HES7: variants seen among roughly 807,000 people sequenced by gnomAD.
HES7 encodes the protein transcription factor HES-7.
A neutral mutation model predicts 18.0 loss-of-function variants in HES7; 8 were observed. The ratio of observed to expected loss-of-function variants is 0.45; its 90% confidence interval spans 0.26 to 0.80. The LOEUF (loss-of-function observed/expected upper bound fraction) is 0.80, where lower values mean the gene tolerates loss of function less well. Ranked by LOEUF, HES7 falls within the 30% of genes least tolerant of loss-of-function variation. HES7 has a pLI of 0.18. For synonymous variants in HES7, 170 were observed against 158.6 expected, an observed-to-expected ratio of 1.07 and a Z score of -0.54; for missense variants, 356 against 340.9, an observed-to-expected ratio of 1.04 and a Z score of -0.35.
chr17:8,121,495 G>T lies in HES7; in HGVS notation c.*76C>A. 1 of 1,222,490 alleles carries T rather than the reference G, an allele frequency of 8.2e-7. No individual in the cohort carries two copies. The highest frequency in any genetic ancestry group is 1.0e-6 in the Non-Finnish European group (1 of 971,114). 75.7% of individuals were successfully genotyped at this position (1,222,490 alleles called of 1,614,324 possible). On this transcript the variant is annotated 3_prime_UTR_variant, in exon 4 of 4. Transcript: ENST00000541682. ...CTCCCCAACACCTGCTCGCCCGGAC[G>T]CCCGGGTCCCTCTGCTGCCCTCGGG...
At position 8,120,861 on chromosome 17, in the gene HES7, C is replaced by G. The variant is rs1299570872; in HGVS notation, c.*710G>C. 6.5e-6 allele frequency: 1 copy of G among 152,694 alleles called. No individual in the cohort carries two copies. The highest frequency in any genetic ancestry group is 1.5e-5 in the Non-Finnish European group (1 of 68,066). 9.5% of individuals were successfully genotyped at this position (152,694 alleles called of 1,614,324 possible). On this transcript the variant is annotated 3_prime_UTR_variant, in exon 4 of 4. Coordinates refer to ENST00000541682, the MANE Select transcript of HES7 (RefSeq NM_001165967.2). ...CCCGCCCAAGTCCCTTAGCCCCGCT[C>G]CCCAACCCTGCCCCATTCCCACTCT... is the stretch of plus-strand genomic sequence containing the variant.
Position 8,121,527 on chromosome 17 carries a change from T to A in HES7, c.*44A>T, listed in dbSNP as rs1242236481. On this transcript the variant is annotated 3_prime_UTR_variant, in exon 4 of 4. Transcript: ENST00000541682. ...TCCCTCTGCTGCCCTCGGGCTGGAG[T>A]CTCTACCCCACCCCTAGACCCCGCC... 7.9e-7 allele frequency: 1 copy of A among 1,272,378 alleles called. No homozygotes were observed. Among genetic ancestry groups the A allele is most frequent in the Admixed American group, 4.2e-5 (1 of 23,856 alleles). 78.8% of individuals were successfully genotyped at this position (1,272,378 alleles called of 1,614,324 possible). A position where few individuals can be genotyped will look rare whatever the true frequency, so the allele number is the denominator to read the frequency against.
At position 8,122,302 on chromosome 17, in the gene HES7, TC is replaced by T; in HGVS notation, c.226+40del. The T allele has an allele frequency of 1.4e-6, 2 of 1,460,280 alleles. No homozygotes were observed. The highest frequency in any genetic ancestry group is 1.4e-5 in the African/African-American group (1 of 70,918). The allele number at this position is 1,460,280 out of a possible 1,614,324, so 90.5% of individuals were successfully genotyped here. On this transcript the variant is annotated intron_variant, in intron 3 of 3. Transcript: ENST00000541682. The surrounding 1 kb of genome is among the most constrained non-coding windows in gnomAD (Gnocchi z 6.9). Reference sequence around the variant, plus strand: ...CTGCCCCGGCCGGAGCCTCCTGGCGTCCCCCCTCCCTCCCTCCGCTGCCCCA... The same window carrying T: ...CTGCCCCGGCCGGAGCCTCCTGGCGTCCCCCTCCCTCCCTCCGCTGCCCCA...
chr17:8,125,812 A>G (rs1476451519), upstream of HES7, among the ~76,000 whole-genome samples: 1 of 152,214 alleles, frequency 6.6e-6, no homozygotes, highest in Non-Finnish European at 1.5e-5. Context: ...TTCCCGGCCA[A>G]TGCACGAGTA....
Position 8,123,090 on chromosome 17 carries a change from G to T in HES7, c.79C>A (p.Arg27Ser), listed in dbSNP as rs372627919. The change falls in exon 2 of 4, where the codon CGC (arginine) becomes AGC (serine). Residue 27 changes from arginine to serine, a missense_variant. Physicochemically the swap from Arg to Ser is moderately radical, Grantham distance 110. Transcript: ENST00000541682. The surrounding 1 kb of genome is among the most constrained non-coding windows in gnomAD (Gnocchi z 5.9). Reference sequence around the variant, plus strand: ...AGCTCTTCCAGGCTGCGGTTGATGCGGTCCCGGCGCCGCTTCTCCACAAGC... The same window carrying T: ...AGCTCTTCCAGGCTGCGGTTGATGCTGTCCCGGCGCCGCTTCTCCACAAGC... The part of the protein sequence containing the change: ...KPLVEKRRRD[R>S]INRSLEELRL... The T allele has an allele frequency of 1.9e-6, 3 of 1,607,604 alleles. No individual in the cohort carries two copies. The highest frequency in any genetic ancestry group is 2.5e-6 in the Non-Finnish European group (3 of 1,177,464).
Position 8,122,447 on chromosome 17 carries a change from A to G in HES7, c.139-17T>C, listed in dbSNP as rs1598231967. 3 of 1,497,888 alleles carry G rather than the reference A, an allele frequency of 2.0e-6. No individual in the cohort carries two copies. The highest frequency in any genetic ancestry group is 3.9e-5 in the Admixed American group (2 of 51,710). The allele number at this position is 1,497,888 out of a possible 1,614,324, so 92.8% of individuals were successfully genotyped here. A position where few individuals can be genotyped will look rare whatever the true frequency, so the allele number is the denominator to read the frequency against. The stretch of plus-strand genomic sequence containing the variant: ...CCGGAGGTTCTACAGACGGGAGGGG[A>G]GGGCGCAGAGACAGAAAGGGGTGGG... On this transcript the variant is annotated splice_polypyrimidine_tract_variant and intron_variant, in intron 2 of 3. Coordinates refer to ENST00000541682, the MANE Select transcript of HES7 (RefSeq NM_001165967.2). The surrounding 1 kb of genome is among the most constrained non-coding windows in gnomAD (Gnocchi z 6.9).
rs1210493169 is a variant in HES7 at position 8,122,320 on chromosome 17, G to A, written c.226+23C>T. 1.1e-6 allele frequency: 1 copy of A among 891,974 alleles called. No individual in the cohort carries two copies. Among genetic ancestry groups the A allele is most frequent in the South Asian group, 1.4e-5 (1 of 72,406 alleles). 55.3% of individuals were successfully genotyped at this position (891,974 alleles called of 1,614,324 possible). ...CCTGGCGTCCCCCCTCCCTCCCTCC[G>A]CTGCCCCACCCCCGCGCTGTACCCG... On this transcript the variant is annotated intron_variant, in intron 3 of 3. Coordinates refer to ENST00000541682, the MANE Select transcript of HES7 (RefSeq NM_001165967.2). The surrounding 1 kb of genome is among the most constrained non-coding windows in gnomAD (Gnocchi z 6.9).
chr17:8,121,186 G>A lies in HES7; in HGVS notation c.*385C>T, dbSNP rs944985152. The A allele has an allele frequency of 5.6e-6, 1 of 178,860 alleles. No individual in the cohort carries two copies. Among genetic ancestry groups the A allele is most frequent in the Non-Finnish European group, 1.2e-5 (1 of 85,934 alleles). 11.1% of individuals were successfully genotyped at this position (178,860 alleles called of 1,614,324 possible). On this transcript the variant is annotated 3_prime_UTR_variant, in exon 4 of 4. Transcript: ENST00000541682. ...GGCTTGGGCCATGGAGAGCAGGACT[G>A]AGGGTGGGAGACAGAAGGGAAGGGA... is the stretch of plus-strand genomic sequence containing the variant.
chr17:8,123,943 C>T lies in HES7; in HGVS notation c.42+100G>A. ...GGAGTTCTGGAGCACCGCTCCCCTTCCACCCCTGCGTCCCCAGCCTCTCTC... is the reference window on the plus strand; with the variant it reads ...GGAGTTCTGGAGCACCGCTCCCCTTTCACCCCTGCGTCCCCAGCCTCTCTC... On this transcript the variant is annotated intron_variant, in intron 1 of 3. Transcript: ENST00000541682. The surrounding 1 kb of genome is among the most constrained non-coding windows in gnomAD (Gnocchi z 5.9). 1 of 1,338,464 alleles carries T rather than the reference C, an allele frequency of 7.5e-7. No individual in the cohort carries two copies. Among genetic ancestry groups the T allele is most frequent in the Non-Finnish European group, 1.1e-6 (1 of 944,174 alleles). 82.9% of individuals were successfully genotyped at this position (1,338,464 alleles called of 1,614,324 possible). A position where few individuals can be genotyped will look rare whatever the true frequency, so the allele number is the denominator to read the frequency against.
chr17:8,123,207 G>A lies in HES7; in HGVS notation c.43-81C>T. ...GCCCCGGCGTCGGATCCCGCCGCTG[G>A]GAGAGCCCGGCTTCCACCCCGGCCA... On this transcript the variant is annotated intron_variant, in intron 1 of 3. Transcript: ENST00000541682. This position sits in a 1 kb window ranked among gnomAD's most constrained non-coding sequence, Gnocchi z 5.9. The A allele has an allele frequency of 8.8e-7, 1 of 1,136,740 alleles. No individual in the cohort carries two copies. Among genetic ancestry groups the A allele is most frequent in the Non-Finnish European group, 1.3e-6 (1 of 777,842 alleles). The allele number at this position is 1,136,740 out of a possible 1,614,324, so 70.4% of individuals were successfully genotyped here. A position where few individuals can be genotyped will look rare whatever the true frequency, so the allele number is the denominator to read the frequency against.
At chr17:8,125,673 C>A (rs1002167867), upstream of HES7, among the ~76,000 whole-genome samples, 1 of 152,216 alleles carries the variant, frequency 6.6e-6, no homozygotes, top group African/African-American at 2.4e-5. Flanking sequence ...CCCTGGCCTA[C>A]ACCGTTGCCT....
At chr17:8,124,570 C>T (rs1313849594), upstream of HES7, among the ~76,000 whole-genome samples, 4 of 152,110 alleles carry the variant, frequency 2.6e-5, no homozygotes, top group African/African-American at 9.7e-5. Flanking sequence ...TGAATCTGTC[C>T]GACTCAACCG....
Position 8,123,354 on chromosome 17 carries a change from C to A in HES7, c.43-228G>T. The stretch of plus-strand genomic sequence containing the variant: ...TCTTCGCATTCTCCTCTCTCAGTCT[C>A]GTCCTCCCTCCTCCCCTCTCTGTGT... On this transcript the variant is annotated intron_variant, in intron 1 of 3. Transcript: ENST00000541682. The surrounding 1 kb of genome is among the most constrained non-coding windows in gnomAD (Gnocchi z 5.9). 1.7e-6 allele frequency: 1 copy of A among 594,228 alleles called. No individual in the cohort carries two copies. 36.8% of individuals were successfully genotyped at this position (594,228 alleles called of 1,614,324 possible).
Position 8,123,841 on chromosome 17 carries a change from G to A in HES7, c.42+202C>T, listed in dbSNP as rs1981486873. Among the ~76,000 whole-genome samples, 1 of 152,090 alleles carries A rather than the reference G, an allele frequency of 6.6e-6. No individual in the cohort carries two copies. Among genetic ancestry groups the A allele is most frequent in the Admixed American group, 6.6e-5 (1 of 15,266 alleles). On this transcript the variant is annotated intron_variant, in intron 1 of 3. Transcript: ENST00000541682. The surrounding 1 kb of genome is among the most constrained non-coding windows in gnomAD (Gnocchi z 5.9). ...CCGAGGCCCCTAGTCCTATGTTCCC[G>A]CCGCCCACTCAGGTCTGGCTCTGAC... is the stretch of plus-strand genomic sequence containing the variant.
upstream of HES7, among the ~76,000 whole-genome samples, chr17:8,125,768 A>G (rs566330014): frequency 4.6e-5 from 7 of 152,174 alleles, no homozygotes; most frequent in Non-Finnish European, 1.0e-4. Context: ...CAGTGGTAGA[A>G]TTCTCGCCTG....
At chr17:8,124,282 CG>C (rs1425633583), upstream of HES7, among the ~76,000 whole-genome samples, 9 of 151,954 alleles carry the variant, frequency 5.9e-5, no homozygotes, top group African/African-American at 2.2e-4. Flanking sequence ...CCTGGGAGTG[CG>C]GGAAGTGAGG....
chr17:8,120,996 G>A lies in HES7; in HGVS notation c.*575C>T, dbSNP rs191934127. On this transcript the variant is annotated 3_prime_UTR_variant, in exon 4 of 4. Transcript: ENST00000541682. ...AGAGCAATTCAAAGGTTGTGGGTTCGAATCCCACCAGAGTCGATTTTATTT... is the reference window on the plus strand; with the variant it reads ...AGAGCAATTCAAAGGTTGTGGGTTCAAATCCCACCAGAGTCGATTTTATTT... 1.1e-3 allele frequency: 168 copies of A among 152,854 alleles called. No homozygotes were observed. The highest frequency in any genetic ancestry group is 6.8e-3 in the Middle Eastern group (2 of 294). 9.5% of individuals were successfully genotyped at this position (152,854 alleles called of 1,614,324 possible).
At position 8,121,652 on chromosome 17, in the gene HES7, C is replaced by G; in HGVS notation, c.612G>C (p.Pro204=). The G allele has an allele frequency of 7.6e-7, 1 of 1,319,498 alleles. No homozygotes were observed. The highest frequency in any genetic ancestry group is 9.6e-7 in the Non-Finnish European group (1 of 1,042,346). The allele number at this position is 1,319,498 out of a possible 1,614,324, so 81.7% of individuals were successfully genotyped here. A position where few individuals can be genotyped will look rare whatever the true frequency, so the allele number is the denominator to read the frequency against. Residue 204 remains proline, a synonymous_variant, in exon 4 of 4, where the codon CCG becomes CCC. Transcript: ENST00000541682. The stretch of plus-strand genomic sequence containing the variant: ...CGTCTTGTCTGTGAGGCGGCGGTGG[C>G]GGCGGCAGCAGTCCGGTGAGGGGCG... ...APAPLTGLLP[P]PPPPHRQDGA...
At position 8,122,197 on chromosome 17, in the gene HES7, C is replaced by T. The variant is rs1981385251; in HGVS notation, c.226+146G>A. ...AATGAGGGAGACACAGAGACAGACA[C>T]GCGCGGGTGTTATTAACCTCGCCTC... is the stretch of plus-strand genomic sequence containing the variant. On this transcript the variant is annotated intron_variant, in intron 3 of 3. Transcript: ENST00000541682. This position sits in a 1 kb window ranked among gnomAD's most constrained non-coding sequence, Gnocchi z 6.9. 5.6e-6 allele frequency: 5 copies of T among 898,352 alleles called. No homozygotes were observed. Among genetic ancestry groups the T allele is most frequent in the Non-Finnish European group, 8.5e-6 (5 of 588,836 alleles). The allele number at this position is 898,352 out of a possible 1,614,324, so 55.6% of individuals were successfully genotyped here.
Sources: gnomAD v4.1 joint callset for allele counts (sites outside exome capture counted in the v4.1 genomes callset) on GRCh38, gnomAD v4.1.1 for gene constraint, Gnocchi (gnomAD v3.1) non-coding constraint, MANE v1.5 for transcripts, NCBI Gene and HGNC (gene_info 2026-07-23, HGNC 2026-07-21) for gene names.